The following GRB10 variants were observed in gnomAD, a reference collection of about 807,000 sequenced individuals.
GRB10 encodes growth factor receptor bound protein 10.
In GRB10, 20 loss-of-function variants were observed where a neutral mutation model predicts 80.9. The ratio of observed to expected loss-of-function variants is 0.25; its 90% CI spans 0.17 to 0.36. GRB10 has a LOEUF of 0.36. GRB10 is among the 10% of genes least tolerant of loss of function. The pLI is 1.00. For synonymous variants in GRB10, 291 were observed against 291.5 expected, an observed-to-expected ratio of 1.00 and a Z score of 0.02; for missense variants, 548 against 747.7, an observed-to-expected ratio of 0.73 and a Z score of 3.12.
intron 5 of GRB10, among the ~76,000 whole-genome samples, chr7:50,687,195 C>T (rs1156787380): frequency 6.6e-5 from 10 of 152,208 alleles, no homozygotes; most frequent in African/African-American, 2.4e-4. Flanking sequence ...CAGAGGGTAA[C>T]CCACCAGGTA....
At chr7:50,733,231 C>G (rs1005491007) in intron 3 of GRB10, among the ~76,000 whole-genome samples, 1 of 152,168 alleles carries the variant, frequency 6.6e-6, no homozygotes, top group South Asian at 2.1e-4. Context: ...CATCTGCAAG[C>G]CAAGGAGAGA....
upstream of GRB10, among the ~76,000 whole-genome samples, chr7:50,785,114 CA>C (rs1351185874): frequency 6.6e-6 from 1 of 152,062 alleles, no homozygotes; most frequent in Admixed American, 6.5e-5. Context: ...GCTCCTGGAG[CA>C]GCACCTCCAA....
chr7:50,701,555 G>T (rs1457638525), intron 5 of GRB10, among the ~76,000 whole-genome samples: 5 of 152,184 alleles, frequency 3.3e-5, no homozygotes, highest in Admixed American at 1.3e-4. Flanking sequence ...CTGCTCTCCG[G>T]CCTGGGTGAG....
chr7:50,787,570 G>T (rs1192010710), upstream of GRB10, among the ~76,000 whole-genome samples: 1 of 151,978 alleles, frequency 6.6e-6, no homozygotes, highest in Non-Finnish European at 1.5e-5. Context: ...CCTGGGCAGG[G>T]ACGGTGGGTC....
intron 4 of GRB10, among the ~76,000 whole-genome samples, chr7:50,722,266 G>A (rs542813050): frequency 2.6e-5 from 4 of 152,108 alleles, no homozygotes; most frequent in East Asian, 1.9e-4. Context: ...ATAAACTTAC[G>A]TTCAAGGACT....
At chr7:50,764,367 A>G (rs2076106867) in intron 2 of GRB10, among the ~76,000 whole-genome samples, 1 of 152,190 alleles carries the variant, frequency 6.6e-6, no homozygotes, top group African/African-American at 2.4e-5. Flanking sequence ...AAGAAGAGGT[A>G]GCTCTGAGGC....
intron 7 of GRB10, among the ~76,000 whole-genome samples, chr7:50,649,884 A>C (rs767324775): frequency 3.9e-5 from 6 of 152,162 alleles, no homozygotes; most frequent in Non-Finnish European, 8.8e-5. Context: ...TGCTTCGACT[A>C]TATTTTCTTT....
At chr7:50,740,495 G>A (rs938920788) in intron 3 of GRB10, among the ~76,000 whole-genome samples, 7 of 152,104 alleles carry the variant, frequency 4.6e-5, no homozygotes, top group African/African-American at 1.4e-4. Context: ...TTAGAAAGAC[G>A]TTTTGAGTCT....
intron 9 of GRB10, among the ~76,000 whole-genome samples, chr7:50,618,915 T>TA (rs1213697257): frequency 1.3e-5 from 2 of 152,242 alleles, no homozygotes; most frequent in African/African-American, 2.4e-5. Flanking sequence ...GCTCCTGTCT[T>TA]AGAGACTAAC....
At chr7:50,742,929 T>C (rs1208448754) in intron 3 of GRB10, among the ~76,000 whole-genome samples, 7 of 152,146 alleles carry the variant, frequency 4.6e-5, no homozygotes, top group African/African-American at 1.7e-4. Context: ...GCTACTACAC[T>C]GCTTGAAGTA....
chr7:50,694,999 G>C (rs774550144), intron 5 of GRB10, among the ~76,000 whole-genome samples: 3 of 152,042 alleles, frequency 2.0e-5, no homozygotes, highest in Non-Finnish European at 2.9e-5. Flanking sequence ...GAAGCCCCCA[G>C]ATCCTGAGAG....
chr7:50,711,135 A>C, intron 4 of GRB10: 2 of 558,550 alleles, frequency 3.6e-6, no homozygotes, highest in Non-Finnish European at 6.4e-6. Flanking sequence ...ACAGGGATCA[A>C]CTTTAAACAT....
intron 4 of GRB10, chr7:50,729,408 T>C (rs1372086515): frequency 6.6e-6 from 1 of 152,226 alleles, no homozygotes; most frequent in African/African-American, 2.4e-5. Flanking sequence ...TTCTGAAAGA[T>C]AATAAATGTT....
At chr7:50,634,261 G>GT (rs2054537435) in intron 7 of GRB10, among the ~76,000 whole-genome samples, 1 of 152,162 alleles carries the variant, frequency 6.6e-6, no homozygotes, top group African/African-American at 2.4e-5. Flanking sequence ...AAAAAGAAAC[G>GT]TAAGTCAAGA....
chr7:50,660,820 C>T (rs927004166), intron 7 of GRB10, among the ~76,000 whole-genome samples: 4 of 127,822 alleles, frequency 3.1e-5, no homozygotes, highest in East Asian at 3.0e-4. Context: ...CCTGTGATGG[C>T]GCAGCATCTT....
intron 2 of GRB10, among the ~76,000 whole-genome samples, chr7:50,776,316 T>C (rs10239980): frequency 0.82 from 125,319 of 152,016 alleles, 51,730 homozygotes; most frequent in Middle Eastern, 0.91. Context: ...CAGACTCAAG[T>C]GATCTTCCCA....
At chr7:50,699,917 C>T (rs1465061385) in intron 5 of GRB10, among the ~76,000 whole-genome samples, 1 of 152,050 alleles carries the variant, frequency 6.6e-6, no homozygotes, top group African/African-American at 2.4e-5. Context: ...GGGCAGATCA[C>T]GAGGTCAGGA....
chr7:50,592,861 A>G lies in GRB10; in HGVS notation c.*91T>C. 2 of 1,432,120 alleles carry G rather than the reference A, an allele frequency of 1.4e-6. No homozygotes were observed. The highest frequency in any genetic ancestry group is 9.8e-7 in the Non-Finnish European group (1 of 1,017,402). The allele number at this position is 1,432,120 out of a possible 1,614,324, so 88.7% of individuals were successfully genotyped here. A position where few individuals can be genotyped will look rare whatever the true frequency, so the allele number is the denominator to read the frequency against. Reference sequence around the variant, plus strand: ...CATCTCGCTCTGGGTCCCCAGGTGCAGAATCGATGTGTGTTCTTCACCAAC... The same window carrying G: ...CATCTCGCTCTGGGTCCCCAGGTGCGGAATCGATGTGTGTTCTTCACCAAC... On this transcript the variant is annotated 3_prime_UTR_variant, in exon 19 of 19. Transcript: ENST00000401949.
intron 3 of GRB10, among the ~76,000 whole-genome samples, chr7:50,743,559 C>T (rs1052685424): frequency 1.3e-5 from 2 of 152,154 alleles, no homozygotes; most frequent in African/African-American, 2.4e-5. Context: ...CCCACTCAAC[C>T]GATGAGAAAG....
Sources: gnomAD v4.1 joint callset for allele counts (sites outside exome capture counted in the v4.1 genomes callset) on GRCh38, gnomAD v4.1.1 for gene constraint, MANE v1.5 for transcripts, NCBI Gene and HGNC (gene_info 2026-07-23, HGNC 2026-07-21) for gene names.